Variants in MMRN1 observed in about 807,000 individuals in gnomAD.
MMRN1 encodes the protein multimerin 1, also known as multimerin-1.
A neutral mutation model predicts 100.7 loss-of-function variants in MMRN1; 94 were observed. The ratio of observed to expected loss-of-function variants is 0.93; its 90% CI spans 0.79 to 1.11. The LOEUF is 1.11. MMRN1 is among the 50% of genes least tolerant of loss of function. MMRN1 has a pLI of 0.00. For synonymous variants in MMRN1, 575 were observed against 505.0 expected (o/e 1.14, Z -1.86); for missense variants, 1,606 against 1,439.1 (o/e 1.12, Z -1.88).
upstream of MMRN1, among the ~76,000 whole-genome samples, chr4:89,889,960 C>T (rs1721014844): frequency 2.6e-5 from 4 of 152,012 alleles, no homozygotes. Context: ...TTTGGAGGAC[C>T]TTTCCTCCAA....
chr4:89,932,326 G>A (rs1369290168), intron 5 of MMRN1, among the ~76,000 whole-genome samples: 1 of 152,132 alleles, frequency 6.6e-6, no homozygotes, highest in East Asian at 1.9e-4. Context: ...TCTTCCAGCT[G>A]CTTCCATGGG....
intron 1 of MMRN1, among the ~76,000 whole-genome samples, 188 bp from the exon 2 acceptor site, chr4:89,909,088 C>T (rs538478227): frequency 7.3e-4 from 111 of 151,446 alleles, no homozygotes; most frequent in African/African-American, 2.5e-3. Context: ...CTTATAGTCC[C>T]TGAGTACAGC....
At chr4:89,913,171 TA>T (rs998515417) in intron 3 of MMRN1, among the ~76,000 whole-genome samples, 9 of 151,300 alleles carry the variant, frequency 5.9e-5, no homozygotes, top group African/African-American at 2.2e-4. Context: ...CTCACAATGG[TA>T]AAACATATTT....
chr4:89,880,896 A>G (rs981070131), intron 1 of MMRN1, among the ~76,000 whole-genome samples: 6 of 152,248 alleles, frequency 3.9e-5, no homozygotes, highest in South Asian at 4.1e-4. Context: ...TTCTTTCTAC[A>G]CTGCACTGCA....
chr4:89,935,892 G>A lies in MMRN1; in HGVS notation c.2212G>A (p.Ala738Thr). ...LNKTMTIINNAIDFIQDNYAL... is the reference protein window; with the variant it reads ...LNKTMTIINNTIDFIQDNYAL... Reference sequence around the variant, plus strand: ...TAAGACAATGACTATTATAAATAATGCTATTGATTTCATTCAAGATAACTA... The same window carrying A: ...TAAGACAATGACTATTATAAATAATACTATTGATTTCATTCAAGATAACTA... Residue 738 changes from alanine (A) to threonine (T), a missense_variant, in exon 6 of 8, where the codon GCT (alanine) becomes ACT (threonine). Transcript: ENST00000264790. 1 of 1,609,318 alleles carries A rather than the reference G, an allele frequency of 6.2e-7. No homozygotes were observed. Among genetic ancestry groups the A allele is most frequent in the Non-Finnish European group, 8.5e-7 (1 of 1,177,804 alleles).
chr4:89,930,961 T>C (rs1382252181), intron 5 of MMRN1, among the ~76,000 whole-genome samples: 1 of 152,132 alleles, frequency 6.6e-6, no homozygotes, highest in Non-Finnish European at 1.5e-5. Context: ...TTATCTTAAT[T>C]GTGGCTAGTT....
intron 1 of MMRN1, among the ~76,000 whole-genome samples, chr4:89,900,406 G>A (rs1288478297): frequency 6.6e-6 from 1 of 151,984 alleles, no homozygotes; most frequent in African/African-American, 2.4e-5. Flanking sequence ...CTTTTATAAT[G>A]AAGGACTCCT....
rs370732997 is a variant in MMRN1 at position 89,935,856 on chromosome 4, G to T, written c.2176G>T (p.Asp726Tyr). The T allele has an allele frequency of 1.2e-6, 2 of 1,612,662 alleles. No homozygotes were observed. The highest frequency in any genetic ancestry group is 2.7e-5 in the African/African-American group (2 of 74,852). ...CAATGAATATGCCTTAGAAATGGAAGATGGCCTCAATAAGACAATGACTAT... is the reference window on the plus strand; with the variant it reads ...CAATGAATATGCCTTAGAAATGGAATATGGCCTCAATAAGACAATGACTAT... ...RINEYALEME[D>Y]GLNKTMTIIN... Residue 726 changes from aspartate to tyrosine, a missense_variant, in exon 6 of 8, where the codon GAT (aspartate) becomes TAT (tyrosine). Asp to Tyr is a radical substitution (Grantham distance 160). Coordinates refer to ENST00000264790, the MANE Select transcript of MMRN1 (RefSeq NM_007351.3).
chr4:89,948,835 G>A (rs528276027), intron 6 of MMRN1, among the ~76,000 whole-genome samples: 1 of 152,312 alleles, frequency 6.6e-6, no homozygotes, highest in East Asian at 1.9e-4. Flanking sequence ...AAGTGGCTGA[G>A]GCATCCTGAG....
upstream of MMRN1, among the ~76,000 whole-genome samples, chr4:89,894,424 G>A (rs1042261907): frequency 6.6e-6 from 1 of 152,146 alleles, no homozygotes; most frequent in African/African-American, 2.4e-5. Context: ...CTGTAAACAA[G>A]CTTTTGATTA....
chr4:89,889,958 ACCTTTCCTCC>A (rs1721014745), upstream of MMRN1, among the ~76,000 whole-genome samples: 1 of 151,888 alleles, frequency 6.6e-6, no homozygotes, highest in Non-Finnish European at 1.5e-5. Flanking sequence ...CCTTTGGAGG[ACCTTTCCTCC>A]AAAGTCACTC....
At chr4:89,914,888 T>G (rs2110602835) in intron 3 of MMRN1, among the ~76,000 whole-genome samples, 1 of 151,614 alleles carries the variant, frequency 6.6e-6, no homozygotes, top group Non-Finnish European at 1.5e-5. Context: ...AGTGTTAGAT[T>G]ACAGAGGATG....
chr4:89,933,031 A>G (rs1722491908), intron 5 of MMRN1, among the ~76,000 whole-genome samples: 2 of 152,098 alleles, frequency 1.3e-5, no homozygotes, highest in South Asian at 4.1e-4. Flanking sequence ...TCCAAGCCAT[A>G]TCTTTGTGAA....
At chr4:89,932,701 C>G (rs1722480796) in intron 5 of MMRN1, among the ~76,000 whole-genome samples, 1 of 152,272 alleles carries the variant, frequency 6.6e-6, no homozygotes, top group African/African-American at 2.4e-5. Flanking sequence ...ACATTGGTCC[C>G]TTTTAGCCAT....
intron 5 of MMRN1, among the ~76,000 whole-genome samples, chr4:89,934,342 A>G (rs1398806720): frequency 1.3e-5 from 2 of 152,272 alleles, no homozygotes; most frequent in Admixed American, 1.3e-4. Context: ...CCTGCAGTCA[A>G]TTTATTAGCT....
chr4:89,930,959 A>G (rs1341349868), intron 5 of MMRN1, among the ~76,000 whole-genome samples: 1 of 152,070 alleles, frequency 6.6e-6, no homozygotes. Context: ...ATTTATCTTA[A>G]TTGTGGCTAG....
chr4:89,940,515 A>G (rs1560597289), intron 6 of MMRN1, among the ~76,000 whole-genome samples: 4 of 152,136 alleles, frequency 2.6e-5, no homozygotes, highest in Non-Finnish European at 4.4e-5. Flanking sequence ...TATCACATTG[A>G]AACCATTTCT....
chr4:89,912,894 CTAGCCT>C (rs1721799868), intron 3 of MMRN1, among the ~76,000 whole-genome samples: 1 of 151,190 alleles, frequency 6.6e-6, no homozygotes, highest in African/African-American at 2.4e-5. Flanking sequence ...TATGGTTTTA[CTAGCCT>C]ATACAATGAG....
At chr4:89,926,720 G>C (rs1722276511) in intron 4 of MMRN1, among the ~76,000 whole-genome samples, 1 of 152,096 alleles carries the variant, frequency 6.6e-6, no homozygotes, top group African/African-American at 2.4e-5. Context: ...AAATGTCCTA[G>C]ATACTTTCTC....
Sources: gnomAD v4.1 joint callset for allele counts (sites outside exome capture counted in the v4.1 genomes callset) on GRCh38, gnomAD v4.1.1 for gene constraint, MANE v1.5 for transcripts, NCBI Gene and HGNC (gene_info 2026-07-23, HGNC 2026-07-21) for gene names.